ANG: variants seen among roughly 807,000 people sequenced by gnomAD.
ANG encodes the protein Homo sapiens epididymis luminal protein 168.
For synonymous variants in ANG, 74 were observed against 73.8 expected, an observed-to-expected ratio of 1.00 and a Z score of -0.02; for missense variants, 178 against 187.4, an observed-to-expected ratio of 0.95 and a Z score of 0.29.
In ANG at chr14:20,693,069, G is replaced by A. The variant is rs111700190; in HGVS notation, c.-18-478G>A. Among the ~76,000 whole-genome samples, 1,032 of 151,708 alleles carry A rather than the reference G, an allele frequency of 6.8e-3. 14 individuals are homozygous for A. Among genetic ancestry groups the A allele is most frequent in the African/African-American group, 0.024 (973 of 41,228 alleles). On this transcript the variant is annotated intron_variant, in intron 1 of 1. Coordinates refer to ENST00000397990, the MANE Select transcript of ANG (RefSeq NM_001097577.3). ...TCACCGTGGTAGCCAGGATGGTCTC[G>A]ATCTCCTGACCTCGTGATCCGCCCG...
At chr14:20,692,979 C>G (rs958472086) in intron 1 of ANG, among the ~76,000 whole-genome samples, 1 of 151,752 alleles carries the variant, frequency 6.6e-6, no homozygotes, top group East Asian at 1.9e-4. Flanking sequence ...TCCCGAGTAG[C>G]TGGGACTACA....
At chr14:20,691,396 A>T (rs1369291007) in intron 1 of ANG, among the ~76,000 whole-genome samples, 1 of 152,242 alleles carries the variant, frequency 6.6e-6, no homozygotes, top group Non-Finnish European at 1.5e-5. Context: ...CTTTAATAAG[A>T]TCTTCCAAAA....
At chr14:20,690,221 C>A (rs1272205670) in intron 1 of ANG, among the ~76,000 whole-genome samples, 23 of 67,978 alleles carry the variant, frequency 3.4e-4, no homozygotes, top group East Asian at 9.4e-4. Flanking sequence ...GACTCCGTCT[C>A]AAAAAAAAAA....
rs182128461 is a variant in ANG at position 20,692,030 on chromosome 14, G to A, written c.-18-1517G>A. 3.3e-5 allele frequency among the ~76,000 whole-genome samples: 5 copies of A among 152,188 alleles called. No homozygotes were observed. The East Asian group carries it at 7.7e-4, about 23-fold the overall frequency. On this transcript the variant is annotated intron_variant, in intron 1 of 1. Transcript: ENST00000397990. Reference sequence around the variant, plus strand: ...GTACAACATTGGTGCTTCCTGCAAGGGCTACAGAACTATTTGATACGAAAA... The same window carrying A: ...GTACAACATTGGTGCTTCCTGCAAGAGCTACAGAACTATTTGATACGAAAA...
In ANG at chr14:20,693,903, G is replaced by C; in HGVS notation, c.339G>C (p.Trp113Cys). Residue 113 changes from tryptophan (W) to cysteine (C), a missense_variant, in exon 2 of 2, where the codon TGG becomes TGC. Physicochemically the swap from Trp to Cys is radical, Grantham distance 215. Transcript: ENST00000397990. ...GCAAGCTACATGGAGGTTCCCCCTGGCCTCCATGCCAGTACCGAGCCACAG... is the reference window on the plus strand; with the variant it reads ...GCAAGCTACATGGAGGTTCCCCCTGCCCTCCATGCCAGTACCGAGCCACAG... ...TTCKLHGGSP[W>C]PPCQYRATAG... 6.2e-7 allele frequency: 1 copy of C among 1,614,118 alleles called. No homozygotes were observed. Among genetic ancestry groups the C allele is most frequent in the Non-Finnish European group, 8.5e-7 (1 of 1,180,024 alleles).
At position 20,689,611 on chromosome 14, in the gene ANG, A is replaced by G. The variant is rs948494479; in HGVS notation, c.-19+737A>G. The stretch of plus-strand genomic sequence containing the variant: ...AACAGATTCATTTGATACAGAAGAT[A>G]AAGTTACTCTAAAGAACAGTTGGGG... On this transcript the variant is annotated intron_variant, in intron 1 of 1. Transcript: ENST00000397990. Among the ~76,000 whole-genome samples the G allele has an allele frequency of 3.3e-5, 5 of 152,224 alleles. No individual in the cohort carries two copies. In the East Asian group the frequency reaches 9.6e-4, roughly 29 times the overall value.
intron 1 of ANG, among the ~76,000 whole-genome samples, chr14:20,693,069 G>T (rs111700190): frequency 3.3e-5 from 5 of 151,590 alleles, no homozygotes; most frequent in African/African-American, 9.7e-5. Context: ...GGATGGTCTC[G>T]ATCTCCTGAC....
chr14:20,689,636 G>T (rs533488693), intron 1 of ANG, among the ~76,000 whole-genome samples: 14 of 152,192 alleles, frequency 9.2e-5, no homozygotes, highest in Non-Finnish European at 2.1e-4. Flanking sequence ...AACAGTTGGG[G>T]CCAGGTGTGG....
chr14:20,689,220 C>T (rs1040096727), intron 1 of ANG, among the ~76,000 whole-genome samples: 1 of 152,218 alleles, frequency 6.6e-6, no homozygotes, highest in Non-Finnish European at 1.5e-5. Context: ...AGGAAAGAAA[C>T]AGTATGTTTT....
chr14:20,685,605 G>A (rs1410399782), upstream of ANG, among the ~76,000 whole-genome samples: 1 of 152,164 alleles, frequency 6.6e-6, no homozygotes, highest in African/African-American at 2.4e-5. Flanking sequence ...TTCAATTCAA[G>A]CAATTCTTTT....
upstream of ANG, among the ~76,000 whole-genome samples, chr14:20,686,398 G>C (rs1381139718): frequency 1.3e-5 from 2 of 152,238 alleles, no homozygotes; most frequent in Admixed American, 6.5e-5. Flanking sequence ...ATTGTTGGAA[G>C]CATTGGTCAC....
rs915755599 is a variant in ANG, at chr14:20,693,721, A to G, written c.157A>G (p.Ile53Val). 6.8e-6 allele frequency: 11 copies of G among 1,614,130 alleles called. No homozygotes were observed. In the African/African-American group the frequency reaches 1.2e-4, roughly 18 times the overall value. ...QGRDDRYCES[I>V]MRRRGLTSPC... ...CCGGGATGACAGATACTGTGAAAGC[A>G]TCATGAGGAGACGGGGCCTGACCTC... The change falls in exon 2 of 2, where the codon ATC (isoleucine) becomes GTC (valine). Residue 53 changes from isoleucine (I) to valine (V), a missense_variant. Coordinates refer to ENST00000397990, the MANE Select transcript of ANG (RefSeq NM_001097577.3).
At position 20,693,964 on chromosome 14, in the gene ANG, G is replaced by A; in HGVS notation, c.400G>A (p.Gly134Ser). 1 of 1,614,108 alleles carries A rather than the reference G, an allele frequency of 6.2e-7. No individual in the cohort carries two copies. Among genetic ancestry groups the A allele is most frequent in the Non-Finnish European group, 8.5e-7 (1 of 1,180,028 alleles). ...FRNVVVACEN[G>S]LPVHLDQSIF... ...AAACGTTGTTGTTGCTTGTGAAAAT[G>A]GCTTACCTGTCCACTTGGATCAGTC... Residue 134 changes from glycine to serine, a missense_variant, in exon 2 of 2, where the codon GGC becomes AGC. By Grantham distance (56) the Gly-to-Ser change is moderately conservative. Transcript: ENST00000397990.
upstream of ANG, among the ~76,000 whole-genome samples, chr14:20,685,947 G>C (rs1886404017): frequency 6.6e-6 from 1 of 151,862 alleles, no homozygotes; most frequent in Non-Finnish European, 1.5e-5. Context: ...GGCTGAGACA[G>C]GAGACTCTCT....
At chr14:20,686,695 G>C (rs1178406238), upstream of ANG, among the ~76,000 whole-genome samples, 1 of 151,968 alleles carries the variant, frequency 6.6e-6, no homozygotes, top group Non-Finnish European at 1.5e-5. Context: ...CCTTCAATCA[G>C]TAGTGTTGCC....
intron 1 of ANG, among the ~76,000 whole-genome samples, chr14:20,692,491 A>G (rs1886813745): frequency 6.6e-6 from 1 of 152,238 alleles, no homozygotes; most frequent in Non-Finnish European, 1.5e-5. Flanking sequence ...CTGTCCGCCT[A>G]AGCTCTGCCT....
At chr14:20,693,492 C>G (rs1886912924) in intron 1 of ANG, 55 bp from the exon 2 acceptor site, 6 of 1,600,212 alleles carry the variant, frequency 3.7e-6, no homozygotes, top group Non-Finnish European at 5.1e-6. Context: ...GTCCTTTTGG[C>G]CTAATTTGGT....
At chr14:20,687,102 T>C (rs1886462082), upstream of ANG, among the ~76,000 whole-genome samples, 1 of 152,226 alleles carries the variant, frequency 6.6e-6, no homozygotes, top group Non-Finnish European at 1.5e-5. Context: ...TCATTTGTAT[T>C]AAAATTACTG....
upstream of ANG, chr14:20,688,691 C>T (rs996408973): frequency 3.0e-5 from 30 of 985,174 alleles, no homozygotes; most frequent in Middle Eastern, 1.0e-3. Context: ...TGTTCAAGAG[C>T]AGTGTCCTTG....
Sources: gnomAD v4.1 joint callset for allele counts (sites outside exome capture counted in the v4.1 genomes callset) on GRCh38, gnomAD v4.1.1 for gene constraint, MANE v1.5 for transcripts, NCBI Gene and HGNC (gene_info 2026-07-23, HGNC 2026-07-21) for gene names.